Variants in MSRB3 observed in about 807,000 individuals in gnomAD.
MSRB3 encodes methionine sulfoxide reductase B3.
Under a neutral mutation model 21.0 loss-of-function variants are expected in MSRB3, and 13 were observed. That is an observed-to-expected ratio of 0.62 (90% CI 0.40 to 0.98). The LOEUF (loss-of-function observed/expected upper bound fraction) is 0.98. Ranked by LOEUF, MSRB3 falls within the 50% of genes least tolerant of loss-of-function variation. The probability of loss-of-function intolerance (pLI) is 0.00; values close to 1 mark genes in which losing one functional copy is unlikely to be tolerated. For synonymous variants in MSRB3, 87 were observed against 88.6 expected (o/e 0.98, Z 0.10); for missense variants, 199 against 230.3 (o/e 0.86, Z 0.88).
At chr12:65,290,906 G>A (rs1291600282) in intron 1 of MSRB3, among the ~76,000 whole-genome samples, 3 of 152,162 alleles carry the variant, frequency 2.0e-5, no homozygotes, top group African/African-American at 7.2e-5. Flanking sequence ...GGGAGTTCAT[G>A]AGGGGAAATA....
chr12:65,399,022 G>C (rs536677227), intron 5 of MSRB3, among the ~76,000 whole-genome samples: 1 of 152,278 alleles, frequency 6.6e-6, no homozygotes. Flanking sequence ...TTATAGTATA[G>C]TTTGAAGTCA....
At chr12:65,346,769 G>A (rs1876541474) in intron 4 of MSRB3, among the ~76,000 whole-genome samples, 1 of 152,092 alleles carries the variant, frequency 6.6e-6, no homozygotes, top group South Asian at 2.1e-4. Flanking sequence ...TGTATAAGGT[G>A]TAAGGAAGGG....
chr12:65,287,587 A>T (rs1872444162), intron 1 of MSRB3, among the ~76,000 whole-genome samples: 1 of 152,198 alleles, frequency 6.6e-6, no homozygotes, highest in Admixed American at 6.5e-5. Context: ...GTAACAGTCC[A>T]GATTAGATAG....
chr12:65,389,849 T>A (rs1879383540), intron 5 of MSRB3, among the ~76,000 whole-genome samples: 1 of 152,228 alleles, frequency 6.6e-6, no homozygotes, highest in Admixed American at 6.5e-5. Flanking sequence ...AGTATAATTA[T>A]GGGATAATTG....
chr12:65,340,997 T>C (rs1357311898), intron 4 of MSRB3, among the ~76,000 whole-genome samples: 1 of 152,106 alleles, frequency 6.6e-6, no homozygotes, highest in Non-Finnish European at 1.5e-5. Context: ...GAATAAATCT[T>C]ATCAACTTAT....
In MSRB3 at chr12:65,463,361, A is replaced by G. The variant is rs546088816; in HGVS notation, c.*39A>G. 39 of 1,609,414 alleles carry G rather than the reference A, an allele frequency of 2.4e-5. 1 individual carries two copies. In the South Asian group the frequency reaches 4.2e-4, roughly 17 times the overall value. ...GATGGAAACAAAGTGTACTTAATGC[A>G]CAGCTTATTAAAAAAATCAAAATTG... is the stretch of plus-strand genomic sequence containing the variant. On this transcript the variant is annotated 3_prime_UTR_variant, in exon 7 of 7. Coordinates refer to ENST00000308259, the MANE Select transcript of MSRB3 (RefSeq NM_001031679.3).
intron 4 of MSRB3, among the ~76,000 whole-genome samples, chr12:65,341,996 G>C (rs1033930153): frequency 6.6e-6 from 1 of 151,828 alleles, no homozygotes; most frequent in Admixed American, 6.6e-5. Context: ...AAAAACCAAA[G>C]TGTTTTTTTC....
intron 5 of MSRB3, among the ~76,000 whole-genome samples, chr12:65,403,080 G>A (rs1007084742): frequency 1.3e-5 from 2 of 152,230 alleles, no homozygotes; most frequent in African/African-American, 4.8e-5. Flanking sequence ...GAGGCACAGA[G>A]TTCAGGGACT....
At chr12:65,422,706 GTTTA>G (rs975468442) in intron 5 of MSRB3, among the ~76,000 whole-genome samples, 1 of 151,262 alleles carries the variant, frequency 6.6e-6, no homozygotes, top group Non-Finnish European at 1.5e-5. Context: ...ATATCTTTCT[GTTTA>G]TTTGTTTCTT....
rs147288519 is a variant in MSRB3 at position 65,449,669 on chromosome 12, A to G, written c.293-4059A>G. On this transcript the variant is annotated intron_variant, in intron 5 of 6. Transcript: ENST00000308259. ...ATGTGTAATTACCTTTCAATTCAAT[A>G]AGTTCTCATTCATGAGTAGTTTCTG... Among the ~76,000 whole-genome samples the G allele has an allele frequency of 3.1e-3, 478 of 152,316 alleles. 4 individuals carry two copies. Among genetic ancestry groups the G allele is most frequent in the African/African-American group, 0.011 (446 of 41,568 alleles).
intron 1 of MSRB3, among the ~76,000 whole-genome samples, chr12:65,292,840 A>T (rs1872738346): frequency 6.6e-6 from 1 of 152,120 alleles, no homozygotes; most frequent in African/African-American, 2.4e-5. Flanking sequence ...TGAAAAAGAC[A>T]GCCAACCTGA....
chr12:65,441,239 G>T (rs1882364530), intron 5 of MSRB3, among the ~76,000 whole-genome samples: 1 of 151,892 alleles, frequency 6.6e-6, no homozygotes, highest in Non-Finnish European at 1.5e-5. Flanking sequence ...GTACCTACAG[G>T]TCTTGATGCA....
chr12:65,284,253 C>T (rs1159159240), intron 1 of MSRB3: 8 of 151,898 alleles, frequency 5.3e-5, no homozygotes, highest in East Asian at 1.9e-4. Context: ...TTATATAATC[C>T]AATAGTTTAG....
At chr12:65,419,190 C>G in intron 5 of MSRB3, 1 of 702,918 alleles carries the variant, frequency 1.4e-6, no homozygotes, top group Non-Finnish European at 2.6e-6. Flanking sequence ...CTGTGGTACT[C>G]TCCTTAATCT....
chr12:65,373,570 G>A (rs1367599230), intron 5 of MSRB3, among the ~76,000 whole-genome samples: 1 of 151,982 alleles, frequency 6.6e-6, no homozygotes, highest in Non-Finnish European at 1.5e-5. Flanking sequence ...CTTATGTTTA[G>A]TGCTTGTTGA....
intron 4 of MSRB3, among the ~76,000 whole-genome samples, chr12:65,334,231 A>G (rs1321389001): frequency 6.6e-6 from 1 of 152,232 alleles, no homozygotes; most frequent in African/African-American, 2.4e-5. Flanking sequence ...TGCTAAAACA[A>G]TAGCTAACAC....
intron 5 of MSRB3, among the ~76,000 whole-genome samples, chr12:65,433,692 T>G (rs1182904548): frequency 6.6e-6 from 1 of 151,974 alleles, no homozygotes; most frequent in Non-Finnish European, 1.5e-5. Flanking sequence ...ATATTTGTCT[T>G]TTCAAAAATT....
intron 4 of MSRB3, among the ~76,000 whole-genome samples, chr12:65,339,012 G>T (rs1875964927): frequency 6.6e-6 from 1 of 152,170 alleles, no homozygotes; most frequent in Non-Finnish European, 1.5e-5. Flanking sequence ...GGGAGGCGGA[G>T]GTTGCAGTGA....
In MSRB3 at chr12:65,340,203, A is replaced by G. The variant is rs537130373; in HGVS notation, c.263+11600A>G. On this transcript the variant is annotated intron_variant, in intron 4 of 6. Transcript: ENST00000308259. Reference sequence around the variant, plus strand: ...AGTAGTTTTAGGGCTGAAAAATGCAATAACTGAAAGTATAAACACAACAGA... The same window carrying G: ...AGTAGTTTTAGGGCTGAAAAATGCAGTAACTGAAAGTATAAACACAACAGA... Among the ~76,000 whole-genome samples, 407 of 152,344 alleles carry G rather than the reference A, an allele frequency of 2.7e-3. 4 individuals are homozygous for G. The highest frequency in any genetic ancestry group is 4.8e-3 in the Admixed American group (74 of 15,294).
Sources: allele counts gnomAD v4.1 joint callset (sites outside exome capture counted in the v4.1 genomes callset), GRCh38; gene constraint gnomAD v4.1.1; transcripts MANE v1.5; gene names NCBI Gene and HGNC (gene_info 2026-07-23, HGNC 2026-07-21).